THUMPD3: variants seen among roughly 807,000 people sequenced by gnomAD.
THUMPD3 encodes THUMP domain 3 tRNA guanosine methyltransferase, also known as tRNA (guanine(6)-N(2))-methyltransferase THUMP3.
THUMPD3 carries 44 observed loss-of-function variants against 54.5 expected under a neutral mutation model. That is an observed-to-expected ratio of 0.81 (90% CI 0.63 to 1.04). The LOEUF (loss-of-function observed/expected upper bound fraction) is 1.04. Among genes scored for constraint, THUMPD3 ranks in the 50% least tolerant of loss-of-function variants. The pLI is 0.00. For missense variants in THUMPD3, 604 were observed against 601.3 expected (o/e 1.00, Z -0.05); for synonymous variants, 196 against 201.4 (o/e 0.97, Z 0.23).
chr3:9,382,220 AT>A (rs780058527), intron 7 of THUMPD3, among the ~76,000 whole-genome samples: 12 of 152,006 alleles, frequency 7.9e-5, no homozygotes, highest in African/African-American at 2.4e-4. Context: ...CTTTTATTGC[AT>A]TTTTTTCTTA....
At chr3:9,375,847 T>C (rs963392079) in intron 5 of THUMPD3, among the ~76,000 whole-genome samples, 1 of 152,208 alleles carries the variant, frequency 6.6e-6, no homozygotes, top group African/African-American at 2.4e-5. Context: ...CGCAGTGGTA[T>C]TTGTGTATCT....
intron 7 of THUMPD3, chr3:9,380,887 ACT>A (rs1477405231): frequency 4.1e-6 from 1 of 243,606 alleles, no homozygotes; most frequent in Non-Finnish European, 7.8e-6. Flanking sequence ...TATTTTATAG[ACT>A]CATTTTAATT....
chr3:9,383,810 C>T (rs898056992), intron 8 of THUMPD3, among the ~76,000 whole-genome samples: 3 of 152,100 alleles, frequency 2.0e-5, no homozygotes, highest in African/African-American at 7.2e-5. Flanking sequence ...TTTTAAAAGA[C>T]AGGGTTTCAC....
rs200391766 is a variant in THUMPD3 at position 9,371,420 on chromosome 3, T to G, written c.691T>G (p.Cys231Gly). 4.8e-5 allele frequency: 77 copies of G among 1,614,050 alleles called. 1 individual carries two copies. Among genetic ancestry groups the G allele is most frequent in the Admixed American group, 4.3e-4 (26 of 60,006 alleles). ...TCAAGTGCTGAAGTTTAGAGTCACA[T>G]GCAACAGGGCAGGAGAGAAACATTG... ...EPQVLKFRVT[C>G]NRAGEKHCFT... The change falls in exon 4 of 10, where the codon TGC (cysteine) becomes GGC (glycine). Residue 231 changes from cysteine (C) to glycine (G), a missense_variant. Transcript: ENST00000452837.
intron 1 of THUMPD3, chr3:9,364,098 C>A (rs2031241006): frequency 6.6e-6 from 1 of 151,836 alleles, no homozygotes; most frequent in South Asian, 2.1e-4. Flanking sequence ...TGCTATTTCA[C>A]AGGAGGGAAG....
Position 9,385,232 on chromosome 3 carries a change from C to T in THUMPD3, c.*544C>T, listed in dbSNP as rs2033254627. ...TTTTGTTGAAAATACTTTAAAGATG[C>T]CTAGTGAAAAGCCTACTAAAGTGCT... On this transcript the variant is annotated 3_prime_UTR_variant, in exon 10 of 10. Transcript: ENST00000452837. The T allele has an allele frequency of 6.5e-6, 1 of 152,926 alleles. No individual in the cohort carries two copies. Among genetic ancestry groups the T allele is most frequent in the Non-Finnish European group, 1.5e-5 (1 of 68,598 alleles). 9.5% of individuals were successfully genotyped at this position (152,926 alleles called of 1,614,324 possible).
chr3:9,383,119 G>C (rs1273829631), intron 7 of THUMPD3, 80 bp from the exon 8 acceptor site: 7 of 887,312 alleles, frequency 7.9e-6, no homozygotes, highest in Non-Finnish European at 9.3e-6. Flanking sequence ...TGCTGTAGCA[G>C]TCTCTCTTCA....
At position 9,365,318 on chromosome 3, in the gene THUMPD3, C is replaced by A. The variant is rs1205979788; in HGVS notation, c.250C>A (p.Gln84Lys). 1 of 1,614,184 alleles carries A rather than the reference C, an allele frequency of 6.2e-7. No homozygotes were observed. Among genetic ancestry groups the A allele is most frequent in the Non-Finnish European group, 8.5e-7 (1 of 1,180,028 alleles). Residue 84 changes from glutamine to lysine, a missense_variant and splice_region_variant, in exon 2 of 10, where the codon CAG (glutamine) becomes AAG (lysine). Coordinates refer to ENST00000452837, the MANE Select transcript of THUMPD3 (RefSeq NM_001114092.2). The stretch of plus-strand genomic sequence containing the variant: ...TGTCATTTCAGTGGAAAGTCTGGCA[C>A]AGGTTTGAATGGAGCAATATTTAAA... Reference protein sequence around the residue: ...YFVISVESLAQVHCLRSVDNL... With the variant: ...YFVISVESLAKVHCLRSVDNL...
chr3:9,363,492 C>T (rs1272879617), intron 1 of THUMPD3: 1 of 152,082 alleles, frequency 6.6e-6, no homozygotes, highest in Non-Finnish European at 1.5e-5. Context: ...TAAACACTGT[C>T]GTGTATCGCT....
At position 9,386,680 on chromosome 3, in the gene THUMPD3, T is replaced by G. The variant is rs780311760; in HGVS notation, c.*1992T>G. ...ATAAGGCCTGGAGCTGAGTTATATG[T>G]GACACTGCCACCTATTCATTGTGTG... On this transcript the variant is annotated 3_prime_UTR_variant, in exon 10 of 10. Transcript: ENST00000452837. 1 of 152,090 alleles carries G rather than the reference T, an allele frequency of 6.6e-6. No homozygotes were observed. Among genetic ancestry groups the G allele is most frequent in the African/African-American group, 2.4e-5 (1 of 41,400 alleles). The allele number at this position is 152,090 out of a possible 1,614,324, so 9.4% of individuals were successfully genotyped here. A position where few individuals can be genotyped will look rare whatever the true frequency, so the allele number is the denominator to read the frequency against.
chr3:9,372,015 A>G (rs970215140), intron 4 of THUMPD3, among the ~76,000 whole-genome samples: 1 of 152,278 alleles, frequency 6.6e-6, no homozygotes, highest in African/African-American at 2.4e-5. Context: ...AGCTGGGGCT[A>G]CAGGCACATG....
chr3:9,374,551 G>A lies in THUMPD3; in HGVS notation c.843G>A (p.Val281=), dbSNP rs754637622. ...ACATCCATGATAATGAAGTCATTGT[G>A]GGCATTGCATTGACTGAAGAGAGTC... The part of the protein sequence containing the change: ...LLNIHDNEVI[V]GIALTEESLH... Residue 281 remains valine (V), a synonymous_variant, in exon 5 of 10, where the codon GTG becomes GTA. Transcript: ENST00000452837. 2 of 1,613,862 alleles carry A rather than the reference G, an allele frequency of 1.2e-6. No homozygotes were observed. The highest frequency in any genetic ancestry group is 2.2e-5 in the South Asian group (2 of 91,060).
chr3:9,382,600 G>GT lies in THUMPD3; in HGVS notation c.1125-594dup, dbSNP rs1402291900. On this transcript the variant is annotated intron_variant, in intron 7 of 9. Transcript: ENST00000452837. ...ACCCCATTATCTATTCTTTAGTATT[G>GT]TTTTTCTCCAGTGTATGTTTTATCA... Among the ~76,000 whole-genome samples the GT allele has an allele frequency of 2.6e-5, 4 of 151,960 alleles. No homozygotes were observed. The East Asian group carries it at 7.7e-4, about 29-fold the overall frequency.
intron 3 of THUMPD3, among the ~76,000 whole-genome samples, chr3:9,368,199 C>G (rs1240375164): frequency 6.6e-6 from 1 of 151,608 alleles, no homozygotes; most frequent in African/African-American, 2.4e-5. Flanking sequence ...GTCCCCACCC[C>G]CCTCTTTTAA....
At chr3:9,378,570 G>C (rs753937133) in intron 6 of THUMPD3, among the ~76,000 whole-genome samples, 3 of 152,162 alleles carry the variant, frequency 2.0e-5, no homozygotes, top group African/African-American at 4.8e-5. Context: ...CTTCCATATA[G>C]TATACTGACA....
chr3:9,377,882 A>G lies in THUMPD3; in HGVS notation c.1002A>G (p.Pro334=). ...CAATGTGTGGAACTGGGGCAATACCAATAGAGGTAATCATATTTCTTTAGC... is the reference window on the plus strand; with the variant it reads ...CAATGTGTGGAACTGGGGCAATACCGATAGAGGTAATCATATTTCTTTAGC... ...VDPMCGTGAI[P]IEGATEWSDC... Residue 334 remains proline (P), a synonymous_variant, in exon 6 of 10, where the codon CCA becomes CCG. Transcript: ENST00000452837. 8 of 1,610,162 alleles carry G rather than the reference A, an allele frequency of 5.0e-6. No homozygotes were observed. Among genetic ancestry groups the G allele is most frequent in the Non-Finnish European group, 5.9e-6 (7 of 1,176,472 alleles).
intron 5 of THUMPD3, 70 bp downstream of exon 5, chr3:9,374,716 T>C (rs979499466): frequency 2.4e-5 from 37 of 1,548,872 alleles, no homozygotes; most frequent in Non-Finnish European, 3.0e-5. Context: ...AAAATACTGA[T>C]TTGTGTGTAT....
intron 7 of THUMPD3, among the ~76,000 whole-genome samples, chr3:9,381,475 G>A (rs917329436): frequency 4.6e-5 from 7 of 152,066 alleles, no homozygotes; most frequent in African/African-American, 1.7e-4. Flanking sequence ...GGAAACTCCA[G>A]GACAATGCTG....
chr3:9,380,395 C>A, intron 6 of THUMPD3, 108 bp from the exon 7 acceptor site: 1 of 699,744 alleles, frequency 1.4e-6, no homozygotes, highest in Non-Finnish European at 2.4e-6. Flanking sequence ...TGACAACATG[C>A]AATGTTTTGC....
Sources: gnomAD v4.1 joint callset for allele counts (sites outside exome capture counted in the v4.1 genomes callset) on GRCh38, gnomAD v4.1.1 for gene constraint, MANE v1.5 for transcripts, NCBI Gene and HGNC (gene_info 2026-07-23, HGNC 2026-07-21) for gene names.